Variants in AOX1 observed in about 807,000 individuals in gnomAD.
AOX1 encodes the protein aldehyde oxidase 1, also known as aldehyde oxidase.
A neutral mutation model predicts 169.5 loss-of-function variants in AOX1; 153 were observed. That is an observed-to-expected ratio of 0.90 (90% CI 0.79 to 1.03). The LOEUF is 1.03. AOX1 is among the 50% of genes least tolerant of loss of function. The pLI is 0.00. For missense variants in AOX1, 1,656 were observed against 1,663.9 expected, an observed-to-expected ratio of 1.00 and a Z score of 0.08; for synonymous variants, 562 against 581.9, an observed-to-expected ratio of 0.97 and a Z score of 0.49.
chr2:200,634,971 T>C, intron 21 of AOX1, 56 bp downstream of exon 21: 1 of 1,595,584 alleles, frequency 6.3e-7, no homozygotes, highest in Admixed American at 1.8e-5. Context: ...GCCAGTGAAA[T>C]ATATCAAGAG....
Position 200,644,469 on chromosome 2 carries a change from G to C in AOX1, c.2847+1668G>C, listed in dbSNP as rs370098024. Among the ~76,000 whole-genome samples the C allele has an allele frequency of 3.6e-4, 55 of 152,276 alleles. No individual in the cohort carries two copies. In the East Asian group the frequency reaches 8.5e-3, roughly 23 times the overall value. ...TGACTATGGCCTTATAGTATAGTTT[G>C]AAATCAGGTAGTGTGATGCCTCCAG... On this transcript the variant is annotated intron_variant, in intron 25 of 34. Transcript: ENST00000374700.
At chr2:200,659,431 A>C (rs969188069) in intron 28 of AOX1, 138 bp downstream of exon 28, 34 of 903,430 alleles carry the variant, frequency 3.8e-5, no homozygotes, top group Non-Finnish European at 5.2e-5. Flanking sequence ...GTGGTACAGC[A>C]CCCAGTGGTT....
chr2:200,638,369 C>T (rs1288697999), intron 23 of AOX1, 67 bp downstream of exon 23: 3 of 1,382,168 alleles, frequency 2.2e-6, no homozygotes, highest in Non-Finnish European at 3.1e-6. Context: ...GTGCGCAGGG[C>T]AGTCTTTGGC....
chr2:200,602,200 G>A lies in AOX1; in HGVS notation c.437-84G>A, dbSNP rs184041687. The A allele has an allele frequency of 7.0e-5, 76 of 1,082,332 alleles. No homozygotes were observed. In the African/African-American group the frequency reaches 9.7e-4, roughly 14 times the overall value. 67.0% of individuals were successfully genotyped at this position (1,082,332 alleles called of 1,614,324 possible). ...TCAAACAGATCTTTCCTCTATGATA[G>A]GGTCCTCATTTCCATCACACTCTTG... On this transcript the variant is annotated intron_variant, in intron 5 of 34. Transcript: ENST00000374700.
Position 200,612,691 on chromosome 2 carries a change from T to A in AOX1, c.1346T>A (p.Phe449Tyr). 6.2e-7 allele frequency: 1 copy of A among 1,614,102 alleles called. No homozygotes were observed. Among genetic ancestry groups the A allele is most frequent in the East Asian group, 2.2e-5 (1 of 44,858 alleles). The change falls in exon 14 of 35, where the codon TTT becomes TAT. Residue 449 changes from phenylalanine to tyrosine, a missense_variant. Phe to Tyr is a conservative substitution (Grantham distance 22, BLOSUM62 3). Transcript: ENST00000374700. The part of the protein sequence containing the change: ...AIVNSGMRVF[F>Y]GEGDGIIREL... ...GTCAATTCAGGAATGAGAGTCTTTT[T>A]TGGAGAAGGGGATGGCATTATTAGA... is the stretch of plus-strand genomic sequence containing the variant.
chr2:200,627,575 C>G (rs553351553), intron 20 of AOX1, 126 bp downstream of exon 20: 30 of 655,432 alleles, frequency 4.6e-5, no homozygotes, highest in South Asian at 2.6e-4. Context: ...ACAGGCAGAA[C>G]AGGCACCTCA....
Position 200,609,065 on chromosome 2 carries a change from A to G in AOX1, c.989A>G (p.Lys330Arg). ...ADVVQKLPEE[K>R]TQMYHALLKH... ...GTAGTCCAGAAGCTTCCAGAGGAGA[A>G]GACACAGATGTACCATGCTCTCCTG... is the stretch of plus-strand genomic sequence containing the variant. Residue 330 changes from lysine to arginine, a missense_variant, in exon 11 of 35, where the codon AAG becomes AGG. Coordinates refer to ENST00000374700, the MANE Select transcript of AOX1 (RefSeq NM_001159.4). The G allele has an allele frequency of 6.2e-7, 1 of 1,614,110 alleles. No individual in the cohort carries two copies.
chr2:200,607,359 C>T (rs80326643), intron 10 of AOX1, among the ~76,000 whole-genome samples: 2,120 of 152,112 alleles, frequency 0.014, 30 homozygotes, highest in Middle Eastern at 0.031. Flanking sequence ...ATAAGCTTTT[C>T]GATGTGCTGC....
rs143455909 is a variant in AOX1 at position 200,659,997 on chromosome 2, T to A, written c.3303T>A (p.Asp1101Glu). The A allele has an allele frequency of 2.2e-4, 350 of 1,611,400 alleles. No individual in the cohort carries two copies. Among genetic ancestry groups the A allele is most frequent in the Non-Finnish European group, 2.9e-4 (339 of 1,178,334 alleles). Residue 1101 changes from aspartate to glutamate, a missense_variant and splice_region_variant, in exon 29 of 35, where the codon GAT becomes GAA. Physicochemically the swap from Asp to Glu is conservative, Grantham distance 45. Transcript: ENST00000374700. Reference sequence around the variant, plus strand: ...TTTAATTTAAAAATAATCTCTAGGATGCCTGTCAAACTCTTCTAAAACGCC... The same window carrying A: ...TTTAATTTAAAAATAATCTCTAGGAAGCCTGTCAAACTCTTCTAAAACGCC... ...VADLNGLAVKDACQTLLKRLE... is the reference protein window; with the variant it reads ...VADLNGLAVKEACQTLLKRLE...
At chr2:200,680,088 A>G (rs1452147699), downstream of AOX1, among the ~76,000 whole-genome samples, 1 of 152,190 alleles carries the variant, frequency 6.6e-6, no homozygotes, top group African/African-American at 2.4e-5. Context: ...CTAAAAATAA[A>G]TAAAAATTAA....
At chr2:200,634,990 G>T (rs780159902) in intron 21 of AOX1, 75 bp downstream of exon 21, 2 of 1,562,786 alleles carry the variant, frequency 1.3e-6, no homozygotes, top group African/African-American at 2.7e-5. Context: ...AGCAATTAGA[G>T]GTAAAAGTAT....
intron 1 of AOX1, among the ~76,000 whole-genome samples, chr2:200,588,602 A>G (rs1181012212): frequency 6.6e-6 from 1 of 151,912 alleles, no homozygotes; most frequent in Non-Finnish European, 1.5e-5. Flanking sequence ...TTTTGCAATT[A>G]CCCATTAGAA....
intron 10 of AOX1, among the ~76,000 whole-genome samples, chr2:200,608,322 G>C (rs2034558204): frequency 6.6e-6 from 1 of 152,210 alleles, no homozygotes; most frequent in African/African-American, 2.4e-5. Context: ...GAAGGATACG[G>C]TGCTAAGTGC....
intron 25 of AOX1, among the ~76,000 whole-genome samples, chr2:200,646,922 T>C (rs1482911339): frequency 6.6e-6 from 1 of 152,162 alleles, no homozygotes; most frequent in Non-Finnish European, 1.5e-5. Flanking sequence ...CGAATTGCCT[T>C]TTTCCACTTC....
chr2:200,657,264 G>A (rs112689758), intron 27 of AOX1, among the ~76,000 whole-genome samples: 96 of 147,254 alleles, frequency 6.5e-4, no homozygotes, highest in African/African-American at 2.4e-3. Context: ...GGCTGAGGTG[G>A]GAGGATTGCT....
chr2:200,603,962 C>A, intron 7 of AOX1, 55 bp from the exon 8 acceptor site: 1 of 1,228,842 alleles, frequency 8.1e-7, no homozygotes, highest in Non-Finnish European at 1.2e-6. Context: ...CCTTATTCCA[C>A]AAAGGATTTT....
At chr2:200,638,712 T>G (rs1269242088) in intron 23 of AOX1, among the ~76,000 whole-genome samples, 1 of 152,226 alleles carries the variant, frequency 6.6e-6, no homozygotes, top group Non-Finnish European at 1.5e-5. Context: ...CATTCTTCAA[T>G]ATATCAAGGA....
chr2:200,625,934 G>A (rs530430904), intron 19 of AOX1, among the ~76,000 whole-genome samples: 6 of 152,074 alleles, frequency 3.9e-5, no homozygotes, highest in Non-Finnish European at 8.8e-5. Context: ...ATTGAATGGG[G>A]CAACGATCAA....
chr2:200,625,430 C>G (rs931872766), intron 19 of AOX1, among the ~76,000 whole-genome samples: 1 of 152,158 alleles, frequency 6.6e-6, no homozygotes, highest in Non-Finnish European at 1.5e-5. Flanking sequence ...GCCACTCCCC[C>G]CACCCTCACC....
Sources: allele counts gnomAD v4.1 joint callset (sites outside exome capture counted in the v4.1 genomes callset), GRCh38; gene constraint gnomAD v4.1.1; transcripts MANE v1.5; gene names NCBI Gene and HGNC (gene_info 2026-07-23, HGNC 2026-07-21).